DIAPH3: variants seen among roughly 807,000 people sequenced by gnomAD.
The protein encoded by DIAPH3 is protein diaphanous homolog 3.
In DIAPH3, 117 loss-of-function variants were observed where a neutral mutation model predicts 144.3. The ratio of observed to expected loss-of-function variants is 0.81; its 90% CI spans 0.70 to 0.95. The LOEUF (loss-of-function observed/expected upper bound fraction) is 0.95. Among genes scored for constraint, DIAPH3 ranks in the 40% least tolerant of loss-of-function variants. The probability of loss-of-function intolerance (pLI) is 0.00; values close to 1 mark genes in which losing one functional copy is unlikely to be tolerated. For missense variants in DIAPH3, 1,421 were observed against 1,412.7 expected, an observed-to-expected ratio of 1.01 and a Z score of -0.09; for synonymous variants, 519 against 488.9, an observed-to-expected ratio of 1.06 and a Z score of -0.81.
At chr13:60,148,266 A>C (rs2138373195) in intron 1 of DIAPH3, among the ~76,000 whole-genome samples, 1 of 152,356 alleles carries the variant, frequency 6.6e-6, no homozygotes, top group Non-Finnish European at 1.5e-5. Context: ...AAAGCTCAAA[A>C]GACCATCCTA....
At chr13:60,135,289 TC>T (rs1359584219) in intron 1 of DIAPH3, among the ~76,000 whole-genome samples, 2 of 151,140 alleles carry the variant, frequency 1.3e-5, no homozygotes, top group African/African-American at 4.9e-5. Context: ...TGAAACTATC[TC>T]ATTGAGGGTA....
intron 17 of DIAPH3, among the ~76,000 whole-genome samples, chr13:59,962,576 C>A (rs1318083294): frequency 6.6e-6 from 1 of 152,160 alleles, no homozygotes; most frequent in Non-Finnish European, 1.5e-5. Flanking sequence ...GTAAGGACTG[C>A]CATTAGGACC....
At chr13:59,980,907 CATT>C (rs373806896) in intron 13 of DIAPH3, 48 bp from the exon 14 acceptor site, 97 of 1,462,154 alleles carry the variant, frequency 6.6e-5, no homozygotes, top group Middle Eastern at 2.1e-4. Context: ...TTCTTAAACT[CATT>C]ATGACTTCAA....
intron 3 of DIAPH3, among the ~76,000 whole-genome samples, chr13:60,109,945 G>A (rs2058521146): frequency 6.6e-6 from 1 of 152,240 alleles, no homozygotes; most frequent in Admixed American, 6.5e-5. Context: ...AAGACAAACG[G>A]GGGGAAAAGT....
chr13:60,154,463 C>CA (rs1030431441), intron 1 of DIAPH3, among the ~76,000 whole-genome samples: 3 of 152,058 alleles, frequency 2.0e-5, no homozygotes, highest in Non-Finnish European at 4.4e-5. Context: ...GCTTCTTCTA[C>CA]AAAAAACTGT....
chr13:59,871,753 A>AG (rs1346933217), intron 21 of DIAPH3, among the ~76,000 whole-genome samples: 2 of 152,254 alleles, frequency 1.3e-5, no homozygotes, highest in African/African-American at 2.4e-5. Context: ...CTGTTTTTGA[A>AG]GGTTATTCAT....
chr13:59,820,267 C>A (rs1329231240), intron 24 of DIAPH3, among the ~76,000 whole-genome samples: 4 of 151,820 alleles, frequency 2.6e-5, no homozygotes, highest in Non-Finnish European at 4.4e-5. Flanking sequence ...CTGAGCTGAT[C>A]AGGAGTAAAA....
At chr13:59,931,351 T>G (rs986786762) in intron 17 of DIAPH3, among the ~76,000 whole-genome samples, 3 of 152,184 alleles carry the variant, frequency 2.0e-5, no homozygotes, top group Non-Finnish European at 1.5e-5. Context: ...CTAGCTGTAG[T>G]CTCTCCACTA....
intron 27 of DIAPH3, among the ~76,000 whole-genome samples, chr13:59,667,419 GATAA>G (rs1484371610): frequency 1.1e-4 from 17 of 152,238 alleles, no homozygotes; most frequent in African/African-American, 3.6e-4. Flanking sequence ...ATATTTGTTG[GATAA>G]ATAAATAATT....
intron 21 of DIAPH3, among the ~76,000 whole-genome samples, chr13:59,875,079 C>T (rs774311756): frequency 1.3e-4 from 20 of 152,086 alleles, no homozygotes; most frequent in Non-Finnish European, 2.5e-4. Context: ...GCCCTATCAA[C>T]GTGTCTCTTG....
At chr13:59,721,990 G>A (rs1054973526) in intron 27 of DIAPH3, among the ~76,000 whole-genome samples, 1 of 152,194 alleles carries the variant, frequency 6.6e-6, no homozygotes, top group African/African-American at 2.4e-5. Context: ...GCCAGCAAAA[G>A]CAAGATAAAA....
intron 27 of DIAPH3, among the ~76,000 whole-genome samples, chr13:59,729,314 T>C (rs1315599672): frequency 6.6e-6 from 1 of 152,158 alleles, no homozygotes; most frequent in Non-Finnish European, 1.5e-5. Context: ...TTTTTTAGTC[T>C]AGTAAGATTA....
At chr13:60,066,285 T>C (rs1197896563) in intron 4 of DIAPH3, among the ~76,000 whole-genome samples, 6 of 152,248 alleles carry the variant, frequency 3.9e-5, no homozygotes, top group Non-Finnish European at 8.8e-5. Context: ...ATCCTATATA[T>C]TATAAATGTT....
intron 10 of DIAPH3, 109 bp from the exon 11 acceptor site, chr13:59,992,295 C>A: frequency 9.2e-7 from 1 of 1,085,332 alleles, no homozygotes; most frequent in South Asian, 1.4e-5. Flanking sequence ...TTATAGCATT[C>A]GAACATTTAA....
At chr13:60,033,592 T>C (rs1362528277) in intron 5 of DIAPH3, among the ~76,000 whole-genome samples, 9 of 152,202 alleles carry the variant, frequency 5.9e-5, no homozygotes, top group Admixed American at 4.6e-4. Flanking sequence ...CACTTTTAAA[T>C]GACCAGATCT....
chr13:59,779,822 T>C (rs2038642894), intron 25 of DIAPH3, among the ~76,000 whole-genome samples: 1 of 152,238 alleles, frequency 6.6e-6, no homozygotes, highest in East Asian at 1.9e-4. Context: ...CCGAGGGAAG[T>C]CTTTTATAGT....
At chr13:60,159,297 C>G (rs1247042563) in intron 1 of DIAPH3, among the ~76,000 whole-genome samples, 2 of 152,154 alleles carry the variant, frequency 1.3e-5, no homozygotes, top group Non-Finnish European at 2.9e-5. Flanking sequence ...AAGTTCCCAA[C>G]AGCTATGGGA....
intron 27 of DIAPH3, among the ~76,000 whole-genome samples, chr13:59,744,162 A>G (rs1160665811): frequency 1.3e-5 from 2 of 152,230 alleles, no homozygotes; most frequent in East Asian, 3.8e-4. Flanking sequence ...TAAAATAATA[A>G]TAACCACCAC....
chr13:59,947,140 C>T (rs2048841535), intron 17 of DIAPH3, among the ~76,000 whole-genome samples: 1 of 152,192 alleles, frequency 6.6e-6, no homozygotes, highest in Non-Finnish European at 1.5e-5. Flanking sequence ...TTTCATCCCA[C>T]TTTCGAGCAT....
Sources: allele counts gnomAD v4.1 joint callset (sites outside exome capture counted in the v4.1 genomes callset), GRCh38; gene constraint gnomAD v4.1.1; transcripts MANE v1.5; gene names NCBI Gene and HGNC (gene_info 2026-07-23, HGNC 2026-07-21).